The following IL7 variants were observed in gnomAD, a reference collection of about 807,000 sequenced individuals.
IL7 encodes the protein interleukin-7.
Under a neutral mutation model 21.6 loss-of-function variants are expected in IL7, and 3 were observed. That is an observed-to-expected ratio of 0.14 (90% CI 0.06 to 0.36). The LOEUF is 0.36. Among genes scored for constraint, IL7 ranks in the 10% least tolerant of loss-of-function variants. IL7 has a pLI of 1.00. For missense variants in IL7, 175 were observed against 200.2 expected (o/e 0.87, Z 0.76); for synonymous variants, 62 against 68.1 (o/e 0.91, Z 0.44).
At chr8:78,803,730 A>C (rs1044651286) in intron 1 of IL7, among the ~76,000 whole-genome samples, 4 of 152,200 alleles carry the variant, frequency 2.6e-5, no homozygotes, top group Non-Finnish European at 5.9e-5. Flanking sequence ...TGGGCATTGC[A>C]AGGAAAATAG....
At chr8:78,793,309 T>G (rs1209806095) in intron 2 of IL7, among the ~76,000 whole-genome samples, 1 of 152,080 alleles carries the variant, frequency 6.6e-6, no homozygotes, top group Non-Finnish European at 1.5e-5. Context: ...TATTCTAGAA[T>G]TAGATAGTGA....
At chr8:78,775,952 T>G (rs1813124188) in intron 2 of IL7, among the ~76,000 whole-genome samples, 1 of 152,046 alleles carries the variant, frequency 6.6e-6, no homozygotes, top group South Asian at 2.1e-4. Flanking sequence ...TAGTACCCCT[T>G]ATCCTTGGAG....
At chr8:78,690,078 C>T (rs1810157725) in intron 3 of IL7, among the ~76,000 whole-genome samples, 1 of 152,154 alleles carries the variant, frequency 6.6e-6, no homozygotes, top group Admixed American at 6.6e-5. Flanking sequence ...TGATGAATTG[C>T]TGAGGCACCT....
intron 2 of IL7, among the ~76,000 whole-genome samples, chr8:78,792,334 A>T (rs1813724011): frequency 6.6e-6 from 1 of 152,204 alleles, no homozygotes; most frequent in East Asian, 1.9e-4. Context: ...TAAAGCTCTT[A>T]GAATAAAACA....
chr8:78,714,274 A>G (rs929886478), downstream of IL7, among the ~76,000 whole-genome samples: 3 of 152,172 alleles, frequency 2.0e-5, no homozygotes, highest in African/African-American at 7.2e-5. Context: ...AAATGGAGTT[A>G]TGAACGCTAC....
chr8:78,715,393 C>A, downstream of IL7: 2 of 1,412,860 alleles, frequency 1.4e-6, no homozygotes, highest in Non-Finnish European at 1.9e-6. Flanking sequence ...TTTCCAAGGA[C>A]CATACACAAA....
intron 2 of IL7, among the ~76,000 whole-genome samples, chr8:78,742,749 G>A (rs1372148736): frequency 6.6e-6 from 1 of 151,882 alleles, no homozygotes; most frequent in Non-Finnish European, 1.5e-5. Context: ...TTTATTTTAA[G>A]TCCAGGGGTA....
chr8:78,746,755 T>G (rs1586064451), intron 2 of IL7: 1 of 300,294 alleles, frequency 3.3e-6, no homozygotes, highest in East Asian at 9.1e-5. Context: ...CTGTATGCCT[T>G]TCTCTCTTTC....
chr8:78,719,931 A>G (rs1396242891), intron 5 of IL7, among the ~76,000 whole-genome samples: 2 of 151,766 alleles, frequency 1.3e-5, no homozygotes, highest in Non-Finnish European at 3.0e-5. Context: ...ATGTATTACC[A>G]TTTTATTGAA....
chr8:78,768,410 C>T (rs1812832291), intron 2 of IL7, among the ~76,000 whole-genome samples: 1 of 148,772 alleles, frequency 6.7e-6, no homozygotes, highest in Non-Finnish European at 1.5e-5. Flanking sequence ...GTTCCTATTT[C>T]TCCACATCCT....
At chr8:78,697,379 G>A in intron 3 of IL7, 1 of 1,532,702 alleles carries the variant, frequency 6.5e-7, no homozygotes, top group Non-Finnish European at 8.9e-7. Context: ...AAGTGATGTT[G>A]ATTAATATTT....
chr8:78,683,435 A>G (rs1254904365), intron 4 of IL7, among the ~76,000 whole-genome samples: 1 of 152,212 alleles, frequency 6.6e-6, no homozygotes, highest in African/African-American at 2.4e-5. Flanking sequence ...GAAGCTGCCA[A>G]GGCTTTGGGC....
intron 2 of IL7, among the ~76,000 whole-genome samples, chr8:78,781,237 G>A (rs1176643761): frequency 1.3e-5 from 2 of 152,148 alleles, no homozygotes; most frequent in Non-Finnish European, 2.9e-5. Flanking sequence ...ATATTCCTAT[G>A]TGTGCAGTTG....
chr8:78,683,609 G>A (rs1356712131), intron 4 of IL7, among the ~76,000 whole-genome samples: 1 of 152,104 alleles, frequency 6.6e-6, no homozygotes, highest in Non-Finnish European at 1.5e-5. Flanking sequence ...AACCTGTGAT[G>A]GGAGGGGCTG....
intron 2 of IL7, among the ~76,000 whole-genome samples, chr8:78,766,778 G>C (rs1271912670): frequency 2.0e-5 from 3 of 152,100 alleles, no homozygotes; most frequent in African/African-American, 7.2e-5. Context: ...ATGTGTATCT[G>C]TATGTGTTTG....
At chr8:78,763,236 G>A (rs2130768484) in intron 2 of IL7, among the ~76,000 whole-genome samples, 1 of 152,280 alleles carries the variant, frequency 6.6e-6, no homozygotes, top group East Asian at 1.9e-4. Flanking sequence ...CACGCCCCCA[G>A]CCTGTTTTTC....
downstream of IL7, among the ~76,000 whole-genome samples, chr8:78,727,890 G>A (rs1811364448): frequency 6.6e-6 from 1 of 151,818 alleles, no homozygotes; most frequent in Non-Finnish European, 1.5e-5. Context: ...CTCCATAAAC[G>A]CTACAACTAA....
intron 4 of IL7, among the ~76,000 whole-genome samples, chr8:78,680,048 T>A (rs1360150218): frequency 6.6e-6 from 1 of 152,060 alleles, no homozygotes; most frequent in East Asian, 1.9e-4. Flanking sequence ...CGTATTATTC[T>A]GGGCAAGTTA....
chr8:78,739,369 A>G (rs1811701887), intron 3 of IL7, among the ~76,000 whole-genome samples: 1 of 152,196 alleles, frequency 6.6e-6, no homozygotes, highest in Non-Finnish European at 1.5e-5. Flanking sequence ...TATGTGTGCA[A>G]GCATTCACAT....
Sources: gnomAD v4.1 joint callset for allele counts (sites outside exome capture counted in the v4.1 genomes callset) on GRCh38, gnomAD v4.1.1 for gene constraint, MANE v1.5 for transcripts, NCBI Gene and HGNC (gene_info 2026-07-23, HGNC 2026-07-21) for gene names.